Variants in POMGNT2 observed in about 807,000 individuals in gnomAD.
POMGNT2 encodes the protein protein O-linked mannose N-acetylglucosaminyltransferase 2 (beta 1,4-).
Under a neutral mutation model 37.8 loss-of-function variants are expected in POMGNT2, and 32 were observed. The observed-to-expected ratio is 0.85, with a 90% CI of 0.64 to 1.14. The LOEUF (loss-of-function observed/expected upper bound fraction) is 1.14. Ranked by LOEUF, POMGNT2 falls within the 50% of genes most tolerant of loss-of-function variation. POMGNT2 has a pLI of 0.00. For synonymous variants in POMGNT2, 340 were observed against 336.8 expected (o/e 1.01, Z -0.10); for missense variants, 705 against 780.6 (o/e 0.90, Z 1.15).
At chr3:43,104,447 G>A (rs2090042541) in intron 1 of POMGNT2, among the ~76,000 whole-genome samples, 1 of 152,234 alleles carries the variant, frequency 6.6e-6, no homozygotes, top group South Asian at 2.1e-4. Context: ...CAACTAGCAT[G>A]CTTACATGGC....
intron 1 of POMGNT2, among the ~76,000 whole-genome samples, chr3:43,082,870 G>GA (rs1279882536): frequency 6.6e-6 from 1 of 152,202 alleles, no homozygotes; most frequent in Non-Finnish European, 1.5e-5. Flanking sequence ...ATTATCCCAT[G>GA]AAACACGTGT....
At position 43,106,060 on chromosome 3, in the gene POMGNT2, G is replaced by A. The variant is rs1253145981; in HGVS notation, c.-330C>T. 2.6e-5 allele frequency: 4 copies of A among 151,746 alleles called. No homozygotes were observed. The highest frequency in any genetic ancestry group is 5.9e-5 in the Non-Finnish European group (4 of 67,864). 9.4% of individuals were successfully genotyped at this position (151,746 alleles called of 1,614,324 possible). A position where few individuals can be genotyped will look rare whatever the true frequency, so the allele number is the denominator to read the frequency against. The stretch of plus-strand genomic sequence containing the variant: ...CGCCGTGCGCCTGCCCGGCGGGCGA[G>A]CCCGGCGCGGAGCCTGTGCGCCTGC... On this transcript the variant is annotated 5_prime_UTR_variant, in exon 1 of 2. Transcript: ENST00000344697.
chr3:43,089,567 C>T (rs2089926116), intron 1 of POMGNT2, among the ~76,000 whole-genome samples: 1 of 152,024 alleles, frequency 6.6e-6, no homozygotes, highest in South Asian at 2.1e-4. Context: ...GTAGAAAAAC[C>T]AGTTAGGAGC....
chr3:43,105,154 T>C (rs1342236683), intron 1 of POMGNT2, among the ~76,000 whole-genome samples: 2 of 152,162 alleles, frequency 1.3e-5, no homozygotes, highest in African/African-American at 4.8e-5. Context: ...GGTGCAAGAC[T>C]CTGGCCTGAC....
At chr3:43,093,870 A>G (rs1428847420) in intron 1 of POMGNT2, among the ~76,000 whole-genome samples, 3 of 152,010 alleles carry the variant, frequency 2.0e-5, no homozygotes, top group Non-Finnish European at 4.4e-5. Flanking sequence ...CAAATCATCT[A>G]CTTGTTAAAG....
At position 43,080,013 on chromosome 3, in the gene POMGNT2, C is replaced by T. The variant is rs1353918457; in HGVS notation, c.1419G>A (p.Lys473=). The T allele has an allele frequency of 1.9e-6, 3 of 1,613,822 alleles. No individual in the cohort carries two copies. Among genetic ancestry groups the T allele is most frequent in the African/African-American group, 2.7e-5 (2 of 74,960 alleles). The stretch of plus-strand genomic sequence containing the variant: ...GATATAGGCCGACTGTCCACTTCTG[C>T]TTCCGTGGTCCTGGCCGGCCCTTCA... ...RVVKGRPGPR[K]QKWTVGLYPG... Residue 473 remains lysine (K), a synonymous_variant, in exon 2 of 2, where the codon AAG becomes AAA. Transcript: ENST00000344697.
intron 1 of POMGNT2, among the ~76,000 whole-genome samples, chr3:43,084,540 G>A (rs2125703140): frequency 6.6e-6 from 1 of 152,116 alleles, no homozygotes; most frequent in East Asian, 1.9e-4. Context: ...AGCTACTCGG[G>A]AGACTGAGGC....
intron 1 of POMGNT2, among the ~76,000 whole-genome samples, chr3:43,104,993 C>T (rs942378940): frequency 6.6e-6 from 1 of 152,326 alleles, no homozygotes; most frequent in South Asian, 2.1e-4. Context: ...AATGAAACCT[C>T]CTCTGTCTAT....
Position 43,081,151 on chromosome 3 carries a change from A to T in POMGNT2, c.281T>A (p.Ile94Asn). The T allele has an allele frequency of 6.2e-7, 1 of 1,614,212 alleles. No individual in the cohort carries two copies. The highest frequency in any genetic ancestry group is 8.5e-7 in the Non-Finnish European group (1 of 1,180,042). Residue 94 changes from isoleucine (I) to asparagine (N), a missense_variant, in exon 2 of 2, where the codon ATC becomes AAC. Transcript: ENST00000344697. ...GACAGAGGTGTTGCCATGGAAGAAG[A>T]TGAACTCCTCAGCCTCGTTGGAGTA... Reference protein sequence around the residue: ...LCYSNEAEEFIFFHGNTSVML... With the variant: ...LCYSNEAEEFNFFHGNTSVML...
At chr3:43,101,024 A>T (rs1055871454) in intron 1 of POMGNT2, among the ~76,000 whole-genome samples, 11 of 152,198 alleles carry the variant, frequency 7.2e-5, no homozygotes, top group African/African-American at 2.7e-4. Context: ...ACTTTACTGG[A>T]GAAAAGAAGC....
In POMGNT2 at chr3:43,080,871, G is replaced by C. The variant is rs147429438; in HGVS notation, c.561C>G (p.His187Gln). The change falls in exon 2 of 2, where the codon CAC (histidine) becomes CAG (glutamine). Residue 187 changes from histidine to glutamine, a missense_variant. Transcript: ENST00000344697. ...YTLRQFPGLA[H>Q]EARLFFMEGW... ...CCTCCATGAAGAAGAGCCGTGCCTC[G>C]TGGGCCAGGCCGGGAAACTGCCGCA... 4 of 1,614,118 alleles carry C rather than the reference G, an allele frequency of 2.5e-6. No homozygotes were observed. In the African/African-American group the frequency reaches 4.0e-5, roughly 16 times the overall value.
Position 43,101,067 on chromosome 3 carries a change from T to A in POMGNT2, c.-106+4769A>T, listed in dbSNP as rs1277056707. Reference sequence around the variant, plus strand: ...CCCATGGTGTCTTCAAATACCTGAGTTGCTGCACAAGAGTGAGGCTGCTCC... The same window carrying A: ...CCCATGGTGTCTTCAAATACCTGAGATGCTGCACAAGAGTGAGGCTGCTCC... On this transcript the variant is annotated intron_variant, in intron 1 of 1. Transcript: ENST00000344697. Among the ~76,000 whole-genome samples the A allele has an allele frequency of 2.0e-5, 3 of 152,080 alleles. No homozygotes were observed. The East Asian group carries it at 5.8e-4, about 29-fold the overall frequency.
At position 43,079,847 on chromosome 3, in the gene POMGNT2, G is replaced by T; in HGVS notation, c.1585C>A (p.Gln529Lys). 1 of 1,614,184 alleles carries T rather than the reference G, an allele frequency of 6.2e-7. No homozygotes were observed. The highest frequency in any genetic ancestry group is 8.5e-7 in the Non-Finnish European group (1 of 1,180,036). ...TAAGGCACGTAGGTGTTCTCCCCCT[G>T]CTCCTGCAGCCACACCTCGTACTTC... ...EVKYEVWLQE[Q>K]GENTYVPYIL... is the part of the protein sequence containing the mutation. The change falls in exon 2 of 2, where the codon CAG becomes AAG. Residue 529 changes from glutamine (Q) to lysine (K), a missense_variant. By Grantham distance (53) the Gln-to-Lys change is moderately conservative. Transcript: ENST00000344697.
intron 1 of POMGNT2, among the ~76,000 whole-genome samples, chr3:43,101,427 C>T (rs2090018499): frequency 6.6e-6 from 1 of 152,158 alleles, no homozygotes; most frequent in African/African-American, 2.4e-5. Context: ...GACTACTCCA[C>T]AGCGGGGATA....
chr3:43,079,989 A>G lies in POMGNT2; in HGVS notation c.1443T>C (p.Tyr481=), dbSNP rs1464802116. ...PRKQKWTVGL[Y]PGKVREARCQ... is the part of the protein sequence containing the mutation. The stretch of plus-strand genomic sequence containing the variant: ...ACCGTGCCTCCCGCACCTTGCCTGG[A>G]TATAGGCCGACTGTCCACTTCTGCT... Residue 481 remains tyrosine (Y), a synonymous_variant, in exon 2 of 2, where the codon TAT becomes TAC. Coordinates refer to ENST00000344697, the MANE Select transcript of POMGNT2 (RefSeq NM_032806.6). 5.0e-6 allele frequency: 8 copies of G among 1,613,856 alleles called. No individual in the cohort carries two copies. The East Asian group carries it at 1.6e-4, about 31-fold the overall frequency.
rs1333987963 is a variant in POMGNT2, at chr3:43,079,361, G to C, written c.*328C>G. 2.3e-5 allele frequency: 7 copies of C among 302,776 alleles called. No homozygotes were observed. The Admixed American group carries it at 2.3e-4, about 10-fold the overall frequency. The allele number at this position is 302,776 out of a possible 1,614,324, so 18.8% of individuals were successfully genotyped here. ...TGATTACTCGGTTTCCAGAAATCTG[G>C]ATACCAGAAAAACTCAGTAGGAAAC... is the stretch of plus-strand genomic sequence containing the variant. On this transcript the variant is annotated 3_prime_UTR_variant, in exon 2 of 2. Transcript: ENST00000344697.
intron 1 of POMGNT2, among the ~76,000 whole-genome samples, chr3:43,101,618 G>A (rs2090019662): frequency 6.6e-6 from 1 of 152,160 alleles, no homozygotes; most frequent in African/African-American, 2.4e-5. Context: ...GGTGATTCTT[G>A]CGTGTGCACA....
chr3:43,098,879 G>A lies in POMGNT2; in HGVS notation c.-106+6957C>T, dbSNP rs1186145250. 1.7e-5 allele frequency among the ~76,000 whole-genome samples: 2 copies of A among 117,152 alleles called. No individual in the cohort carries two copies. The highest frequency in any genetic ancestry group is 3.8e-5 in the Non-Finnish European group (2 of 52,776). The allele number at this position is 117,152 out of a possible 152,430, so 76.9% of individuals were successfully genotyped here. A position where few individuals can be genotyped will look rare whatever the true frequency, so the allele number is the denominator to read the frequency against. ...CCAGCTCATATGCAACCCTCTCACC[G>A]GTTTTCAGCCTCCAAATAACGCAGA... is the stretch of plus-strand genomic sequence containing the variant. On this transcript the variant is annotated intron_variant, in intron 1 of 1. Transcript: ENST00000344697. The surrounding 1 kb of genome is among the most constrained non-coding windows in gnomAD (Gnocchi z 4.3).
At position 43,101,178 on chromosome 3, in the gene POMGNT2, G is replaced by C. The variant is rs548640024; in HGVS notation, c.-106+4658C>G. Among the ~76,000 whole-genome samples, 3 of 152,328 alleles carry C rather than the reference G, an allele frequency of 2.0e-5. No individual in the cohort carries two copies. The South Asian group carries it at 6.2e-4, about 32-fold the overall frequency. On this transcript the variant is annotated intron_variant, in intron 1 of 1. Coordinates refer to ENST00000344697, the MANE Select transcript of POMGNT2 (RefSeq NM_032806.6). Reference sequence around the variant, plus strand: ...CAACCCAAGCCCTAGGCACAAGTGTGGACTATGGGCACATATGATTCCCAT... The same window carrying C: ...CAACCCAAGCCCTAGGCACAAGTGTCGACTATGGGCACATATGATTCCCAT...
Sources: gnomAD v4.1 joint callset for allele counts (sites outside exome capture counted in the v4.1 genomes callset) on GRCh38, gnomAD v4.1.1 for gene constraint, Gnocchi (gnomAD v3.1) non-coding constraint, MANE v1.5 for transcripts, NCBI Gene and HGNC (gene_info 2026-07-23, HGNC 2026-07-21) for gene names.